The following GRM7 variants were observed in gnomAD, a reference collection of about 807,000 sequenced individuals.
The protein encoded by GRM7 is glutamate metabotropic receptor 7.
A neutral mutation model predicts 84.5 loss-of-function variants in GRM7; 35 were observed. The ratio of observed to expected loss-of-function variants is 0.41; its 90% CI spans 0.32 to 0.55. The LOEUF (loss-of-function observed/expected upper bound fraction) is 0.55. Ranked by LOEUF, GRM7 falls within the 20% of genes least tolerant of loss-of-function variation. The pLI is 0.19. For missense variants in GRM7, 1,003 were observed against 1,194.6 expected (o/e 0.84, Z 2.36); for synonymous variants, 487 against 455.1 (o/e 1.07, Z -0.89).
At chr3:7,477,367 G>A (rs922331278) in intron 7 of GRM7, among the ~76,000 whole-genome samples, 19 of 152,032 alleles carry the variant, frequency 1.2e-4, no homozygotes, top group Admixed American at 1.0e-3. Flanking sequence ...TACTAAGGAA[G>A]CACTAACCAC....
intron 2 of GRM7, among the ~76,000 whole-genome samples, chr3:7,198,550 C>A (rs1277776341): frequency 6.6e-6 from 1 of 152,142 alleles, no homozygotes; most frequent in African/African-American, 2.4e-5. Context: ...AGTCAAAATA[C>A]ATTTACTAAA....
intron 4 of GRM7, among the ~76,000 whole-genome samples, chr3:7,341,048 A>G (rs557193588): frequency 2.6e-5 from 4 of 152,314 alleles, no homozygotes; most frequent in Admixed American, 1.3e-4. Context: ...AAGAAAGGCC[A>G]TACAGACAAT....
intron 2 of GRM7, among the ~76,000 whole-genome samples, chr3:7,290,123 T>A (rs1459556515): frequency 6.6e-6 from 1 of 152,202 alleles, no homozygotes; most frequent in African/African-American, 2.4e-5. Flanking sequence ...TGAAAGTTGC[T>A]TAATAAATAT....
intron 7 of GRM7, among the ~76,000 whole-genome samples, chr3:7,560,863 T>G (rs1353127544): frequency 2.0e-5 from 3 of 152,164 alleles, no homozygotes; most frequent in African/African-American, 7.2e-5. Flanking sequence ...TTTATTAATT[T>G]GTTATATTAT....
chr3:7,416,178 G>GT (rs1696150833), intron 5 of GRM7, among the ~76,000 whole-genome samples: 1 of 152,222 alleles, frequency 6.6e-6, no homozygotes, highest in Admixed American at 6.5e-5. Context: ...GGCTGCAGGT[G>GT]TAGAGAGATG....
chr3:7,068,896 A>G (rs757659093), intron 1 of GRM7, among the ~76,000 whole-genome samples: 7 of 151,918 alleles, frequency 4.6e-5, no homozygotes, highest in Non-Finnish European at 8.8e-5. Flanking sequence ...AGTTTTACTC[A>G]TGAATTAAAG....
At chr3:7,152,761 T>C (rs1202952322) in intron 2 of GRM7, among the ~76,000 whole-genome samples, 1 of 152,232 alleles carries the variant, frequency 6.6e-6, no homozygotes, top group East Asian at 1.9e-4. Context: ...TATTCTTACA[T>C]CTATTTCCAT....
intron 1 of GRM7, among the ~76,000 whole-genome samples, chr3:7,100,393 G>T (rs895741761): frequency 6.6e-6 from 1 of 151,638 alleles, no homozygotes; most frequent in African/African-American, 2.4e-5. Flanking sequence ...TCCCCAAGAG[G>T]CTAACTTATT....
At chr3:7,703,470 C>T (rs943295944) in intron 9 of GRM7, among the ~76,000 whole-genome samples, 2 of 151,836 alleles carry the variant, frequency 1.3e-5, no homozygotes, top group Admixed American at 6.6e-5. Flanking sequence ...GGATGGCCTA[C>T]ACCCTGGGCT....
intron 1 of GRM7, among the ~76,000 whole-genome samples, chr3:6,873,115 G>T (rs35266312): frequency 0.12 from 17,606 of 152,020 alleles, 1,004 homozygotes; most frequent in Admixed American, 0.13. Flanking sequence ...GCTCTGTCAC[G>T]CCCTGGAGTG....
intron 2 of GRM7, among the ~76,000 whole-genome samples, chr3:7,169,744 A>G (rs767228992): frequency 6.6e-6 from 1 of 152,140 alleles, no homozygotes; most frequent in Non-Finnish European, 1.5e-5. Context: ...AGACATTATT[A>G]TTTTGATAAA....
intron 7 of GRM7, among the ~76,000 whole-genome samples, chr3:7,532,684 G>T (rs1701084820): frequency 6.7e-6 from 1 of 148,238 alleles, no homozygotes; most frequent in African/African-American, 2.5e-5. Context: ...GTTTGCTCTT[G>T]TTTCTCTACT....
chr3:7,347,557 C>T (rs1692946527), intron 4 of GRM7, among the ~76,000 whole-genome samples: 1 of 152,102 alleles, frequency 6.6e-6, no homozygotes, highest in South Asian at 2.1e-4. Flanking sequence ...TTTTTTCAAA[C>T]TCACTGACGA....
intron 9 of GRM7, chr3:7,691,213 C>A (rs1270869682): frequency 8.2e-7 from 1 of 1,223,584 alleles, no homozygotes; most frequent in South Asian, 1.3e-5. Flanking sequence ...TTCATAGTAA[C>A]CTCTGAGGAC....
At chr3:7,058,491 G>A (rs1470265304) in intron 1 of GRM7, among the ~76,000 whole-genome samples, 1 of 151,732 alleles carries the variant, frequency 6.6e-6, no homozygotes, top group African/African-American at 2.4e-5. Flanking sequence ...ATATTTGATT[G>A]TTGGCAATAT....
At chr3:7,275,125 A>T (rs1699005923) in intron 2 of GRM7, among the ~76,000 whole-genome samples, 1 of 152,058 alleles carries the variant, frequency 6.6e-6, no homozygotes, top group African/African-American at 2.4e-5. Context: ...AGTGTTTTTG[A>T]TCTTTAGCAT....
rs865796285 is a variant in GRM7 at position 6,862,056 on chromosome 3, C to G, written c.519+149C>G. On this transcript the variant is annotated intron_variant, in intron 1 of 9. Coordinates refer to ENST00000357716, the MANE Select transcript of GRM7 (RefSeq NM_000844.4). The surrounding 1 kb of genome is among the most constrained non-coding windows in gnomAD (Gnocchi z 5.2). ...CCTGCCGAATCCCTCCCACCCCGCTCGAGGAGATACCTTCCCTGCTTGGTT... is the reference window on the plus strand; with the variant it reads ...CCTGCCGAATCCCTCCCACCCCGCTGGAGGAGATACCTTCCCTGCTTGGTT... The G allele has an allele frequency of 1.1e-5, 7 of 639,728 alleles. No individual in the cohort carries two copies. Among genetic ancestry groups the G allele is most frequent in the African/African-American group, 5.5e-5 (3 of 54,612 alleles). 39.6% of individuals were successfully genotyped at this position (639,728 alleles called of 1,614,324 possible).
At chr3:7,311,843 C>T (rs1700408476) in intron 4 of GRM7, among the ~76,000 whole-genome samples, 1 of 152,118 alleles carries the variant, frequency 6.6e-6, no homozygotes, top group African/African-American at 2.4e-5. Context: ...CATCCGCCAG[C>T]CTCAGCCTCC....
intron 4 of GRM7, among the ~76,000 whole-genome samples, chr3:7,315,358 C>G (rs1700545650): frequency 6.6e-6 from 1 of 152,108 alleles, no homozygotes; most frequent in Non-Finnish European, 1.5e-5. Flanking sequence ...TTTTCAATGC[C>G]CTCATTTTTC....
Sources: gnomAD v4.1 joint callset for allele counts (sites outside exome capture counted in the v4.1 genomes callset) on GRCh38, gnomAD v4.1.1 for gene constraint, Gnocchi (gnomAD v3.1) non-coding constraint, MANE v1.5 for transcripts, NCBI Gene and HGNC (gene_info 2026-07-23, HGNC 2026-07-21) for gene names.